TRAF3IP1: variants seen among roughly 807,000 people sequenced by gnomAD.
TRAF3IP1 encodes TRAF3-interacting protein 1.
In TRAF3IP1, 53 loss-of-function variants were observed where a neutral mutation model predicts 89.9. That is an observed-to-expected ratio of 0.59 (90% confidence interval 0.47 to 0.74). TRAF3IP1 has a LOEUF of 0.74. TRAF3IP1 is among the 30% of genes least tolerant of loss of function. TRAF3IP1 has a pLI of 0.00. For synonymous variants in TRAF3IP1, 311 were observed against 322.1 expected, an observed-to-expected ratio of 0.97 and a Z score of 0.37; for missense variants, 806 against 866.1, an observed-to-expected ratio of 0.93 and a Z score of 0.87.
chr2:238,330,844 C>A (rs1698083180), intron 5 of TRAF3IP1, among the ~76,000 whole-genome samples: 1 of 152,194 alleles, frequency 6.6e-6, no homozygotes, highest in Non-Finnish European at 1.5e-5. Context: ...GTCACTCTTT[C>A]CCCCTCCACT....
At chr2:238,391,035 A>G (rs1415303573) in intron 15 of TRAF3IP1, among the ~76,000 whole-genome samples, 1 of 152,020 alleles carries the variant, frequency 6.6e-6, no homozygotes, top group African/African-American at 2.4e-5. Flanking sequence ...GCTCACTGCA[A>G]CCTTCTCCTC....
At chr2:238,373,943 T>C (rs1275570555) in intron 15 of TRAF3IP1, among the ~76,000 whole-genome samples, 1 of 152,202 alleles carries the variant, frequency 6.6e-6, no homozygotes, top group African/African-American at 2.4e-5. Context: ...CTGTTAATGG[T>C]GTATAGGAAT....
At chr2:238,326,694 T>G (rs1022876374) in intron 3 of TRAF3IP1, among the ~76,000 whole-genome samples, 2 of 151,978 alleles carry the variant, frequency 1.3e-5, no homozygotes, top group African/African-American at 4.8e-5. Flanking sequence ...GTATTGAGAG[T>G]GTAATTAATA....
chr2:238,398,940 T>C lies in TRAF3IP1; in HGVS notation c.*21T>C. 1 of 1,578,724 alleles carries C rather than the reference T, an allele frequency of 6.3e-7. No homozygotes were observed. Among genetic ancestry groups the C allele is most frequent in the Non-Finnish European group, 8.6e-7 (1 of 1,167,930 alleles). The stretch of plus-strand genomic sequence containing the variant: ...GGTGAACACTCAAAAGTTTCAGAGA[T>C]GAAAAGTCACCTCAGTTTAAAAGCA... On this transcript the variant is annotated 3_prime_UTR_variant, in exon 17 of 17. Coordinates refer to ENST00000373327, the MANE Select transcript of TRAF3IP1 (RefSeq NM_015650.4).
intron 7 of TRAF3IP1, among the ~76,000 whole-genome samples, chr2:238,337,639 T>A (rs1308018245): frequency 6.6e-6 from 1 of 152,166 alleles, no homozygotes; most frequent in East Asian, 1.9e-4. Flanking sequence ...AGAGTGCCAG[T>A]GGTGACAGCA....
At chr2:238,338,277 T>C (rs960909922) in intron 7 of TRAF3IP1, 85 bp from the exon 8 acceptor site, 2 of 795,846 alleles carry the variant, frequency 2.5e-6, no homozygotes, top group Admixed American at 6.0e-5. Context: ...CTTGGTGTAA[T>C]GTAACCCTTA....
chr2:238,397,411 T>A, intron 15 of TRAF3IP1, 48 bp from the exon 16 acceptor site: 1 of 1,577,176 alleles, frequency 6.3e-7, no homozygotes, highest in Non-Finnish European at 8.7e-7. Flanking sequence ...CTGTTCTGCC[T>A]TTGGACTGAG....
chr2:238,370,369 C>T (rs928038508), intron 15 of TRAF3IP1, among the ~76,000 whole-genome samples: 3 of 151,926 alleles, frequency 2.0e-5, no homozygotes, highest in African/African-American at 4.8e-5. Context: ...TACATGTATA[C>T]GTGTGCATGT....
At chr2:238,365,839 G>T (rs1374786062) in intron 15 of TRAF3IP1, among the ~76,000 whole-genome samples, 1 of 151,992 alleles carries the variant, frequency 6.6e-6, no homozygotes, top group Non-Finnish European at 1.5e-5. Flanking sequence ...AAGAAATAAG[G>T]TGATAGTTTT....
At chr2:238,342,292 A>G in intron 8 of TRAF3IP1, among the ~76,000 whole-genome samples, 1 of 152,124 alleles carries the variant, frequency 6.6e-6, no homozygotes, top group East Asian at 1.9e-4. Flanking sequence ...CCTGGCCGTC[A>G]TTTTCATTTT....
chr2:238,362,099 C>T (rs1403790874), intron 15 of TRAF3IP1, among the ~76,000 whole-genome samples: 1 of 152,112 alleles, frequency 6.6e-6, no homozygotes, highest in African/African-American at 2.4e-5. Flanking sequence ...CCACTCTCTC[C>T]GTCCTTGGCA....
intron 14 of TRAF3IP1, among the ~76,000 whole-genome samples, chr2:238,354,445 T>C (rs1418078301): frequency 2.0e-5 from 3 of 152,082 alleles, no homozygotes. Flanking sequence ...GATTGTAGGG[T>C]TTTGCCTGCA....
intron 14 of TRAF3IP1, among the ~76,000 whole-genome samples, chr2:238,354,114 G>A (rs544186993): frequency 1.3e-5 from 2 of 152,300 alleles, no homozygotes; most frequent in South Asian, 4.1e-4. Context: ...TTTCATTTCA[G>A]CCCATCTCAG....
intron 15 of TRAF3IP1, among the ~76,000 whole-genome samples, chr2:238,367,070 A>G (rs1330554999): frequency 1.4e-5 from 2 of 147,824 alleles, no homozygotes; most frequent in African/African-American, 2.5e-5. Flanking sequence ...AGGCTGAGGC[A>G]GGAGAATCGC....
At position 238,360,861 on chromosome 2, in the gene TRAF3IP1, C is replaced by A. The variant is rs551195290; in HGVS notation, c.1689+4781C>A. On this transcript the variant is annotated intron_variant, in intron 15 of 16. Transcript: ENST00000373327. ...CGCCACTGCACTCCAGCCTGGGGGA[C>A]AAAGTGAGATTCCGTCTCAAAAAAA... Among the ~76,000 whole-genome samples, 545 of 151,968 alleles carry A rather than the reference C, an allele frequency of 3.6e-3. 3 individuals carry two copies. The highest frequency in any genetic ancestry group is 0.013 in the African/African-American group (521 of 41,452).
intron 11 of TRAF3IP1, 60 bp downstream of exon 11, chr2:238,348,908 G>GTC: frequency 1.4e-6 from 2 of 1,421,064 alleles, no homozygotes; most frequent in Middle Eastern, 1.8e-4. Flanking sequence ...ACACTGCTGT[G>GTC]CTTCTCTTTC....
rs985508236 is a variant in TRAF3IP1, at chr2:238,384,028, C to T, written c.1690-13431C>T. Among the ~76,000 whole-genome samples, 25 of 152,272 alleles carry T rather than the reference C, an allele frequency of 1.6e-4. 1 individual carries two copies. Among genetic ancestry groups the T allele is most frequent in the Non-Finnish European group, 1.0e-4 (7 of 68,028 alleles). The stretch of plus-strand genomic sequence containing the variant: ...TTGTTAGTTTTCTACTACATTTTGT[C>T]CACTGGCTTGTTCTCTGATTCAGCT... On this transcript the variant is annotated intron_variant, in intron 15 of 16. Coordinates refer to ENST00000373327, the MANE Select transcript of TRAF3IP1 (RefSeq NM_015650.4).
intron 15 of TRAF3IP1, among the ~76,000 whole-genome samples, chr2:238,391,014 G>C (rs1700973018): frequency 6.6e-6 from 1 of 152,174 alleles, no homozygotes; most frequent in African/African-American, 2.4e-5. Context: ...GAGTACAGTG[G>C]CACAGTCTTG....
chr2:238,392,870 C>T (rs1701054948), intron 15 of TRAF3IP1, among the ~76,000 whole-genome samples: 3 of 152,234 alleles, frequency 2.0e-5, no homozygotes, highest in Admixed American at 1.3e-4. Flanking sequence ...GCCACCATGC[C>T]TGGCCAGTCT....
Sources: allele counts gnomAD v4.1 joint callset (sites outside exome capture counted in the v4.1 genomes callset), GRCh38; gene constraint gnomAD v4.1.1; transcripts MANE v1.5; gene names NCBI Gene and HGNC (gene_info 2026-07-23, HGNC 2026-07-21).